Variants in NRDC observed in about 807,000 individuals in gnomAD.
The protein encoded by NRDC is nardilysin.
In NRDC, 54 loss-of-function variants were observed where a neutral mutation model predicts 147.1. The observed-to-expected ratio is 0.37, with a 90% CI of 0.29 to 0.46. NRDC has a LOEUF of 0.46. Ranked by LOEUF, NRDC falls within the 20% of genes least tolerant of loss-of-function variation. The probability of loss-of-function intolerance (pLI) is 1.00; values close to 1 mark genes in which losing one functional copy is unlikely to be tolerated. For synonymous variants in NRDC, 440 were observed against 482.1 expected (o/e 0.91, Z 1.14); for missense variants, 1,082 against 1,370.6 (o/e 0.79, Z 3.33).
intron 1 of NRDC, among the ~76,000 whole-genome samples, chr1:51,846,711 C>A (rs939503924): frequency 6.6e-6 from 1 of 152,222 alleles, no homozygotes. Context: ...GATTTATCGC[C>A]AACAGCGATG....
At chr1:51,869,960 C>A (rs1198527938) in intron 1 of NRDC, among the ~76,000 whole-genome samples, 4 of 152,142 alleles carry the variant, frequency 2.6e-5, no homozygotes, top group African/African-American at 9.7e-5. Context: ...GTTGCCCAGG[C>A]TGGTCTTGAA....
Position 51,825,395 on chromosome 1 carries a change from A to C in NRDC, c.941-13T>G. 1 of 1,570,978 alleles carries C rather than the reference A, an allele frequency of 6.4e-7. No homozygotes were observed. Among genetic ancestry groups the C allele is most frequent in the Non-Finnish European group, 8.6e-7 (1 of 1,159,192 alleles). ...GCAAGTTGATATTCTGTCAATTTTAAATAAACACATAATAAAACAAAATTC... is the reference window on the plus strand; with the variant it reads ...GCAAGTTGATATTCTGTCAATTTTACATAAACACATAATAAAACAAAATTC... On this transcript the variant is annotated splice_polypyrimidine_tract_variant and intron_variant, in intron 5 of 30. Coordinates refer to ENST00000352171, the MANE Select transcript of NRDC (RefSeq NM_001101662.2).
chr1:51,799,902 T>C (rs1165104122), intron 21 of NRDC, among the ~76,000 whole-genome samples: 2 of 152,206 alleles, frequency 1.3e-5, no homozygotes, highest in Non-Finnish European at 2.9e-5. Context: ...ATAAGTGACA[T>C]GTTTAGCAAT....
At chr1:51,873,228 T>C (rs923285403) in intron 1 of NRDC, among the ~76,000 whole-genome samples, 6 of 152,196 alleles carry the variant, frequency 3.9e-5, no homozygotes, top group Admixed American at 3.9e-4. Context: ...CTCAGATTTG[T>C]ATAAGGCTTC....
chr1:51,861,074 C>T (rs997919284), intron 1 of NRDC, among the ~76,000 whole-genome samples: 17 of 151,572 alleles, frequency 1.1e-4, no homozygotes, highest in African/African-American at 3.4e-4. Context: ...CTCAGCCTCC[C>T]GAGTAGCTGG....
At chr1:51,805,758 C>G (rs183098115) in intron 18 of NRDC, among the ~76,000 whole-genome samples, 197 bp from the exon 19 acceptor site, 2 of 152,072 alleles carry the variant, frequency 1.3e-5, no homozygotes, top group Admixed American at 6.6e-5. Flanking sequence ...AAAAGGCACT[C>G]TTTAATCTAT....
rs1171522219 is a variant in NRDC, at chr1:51,816,409, G to T, written c.1362-20C>A. On this transcript the variant is annotated intron_variant, in intron 10 of 30. Coordinates refer to ENST00000352171, the MANE Select transcript of NRDC (RefSeq NM_001101662.2). ...TTCACCCTTTTAAAAAAATTTAATG[G>T]TCAGAAGAAAAAAACAAAAGGTATA... is the stretch of plus-strand genomic sequence containing the variant. 15 of 1,495,254 alleles carry T rather than the reference G, an allele frequency of 1.0e-5. No individual in the cohort carries two copies. Among genetic ancestry groups the T allele is most frequent in the Non-Finnish European group, 1.4e-5 (15 of 1,106,488 alleles). 92.6% of individuals were successfully genotyped at this position (1,495,254 alleles called of 1,614,324 possible).
chr1:51,852,691 C>T (rs1016880607), intron 1 of NRDC, among the ~76,000 whole-genome samples: 3 of 151,634 alleles, frequency 2.0e-5, no homozygotes, highest in African/African-American at 7.3e-5. Flanking sequence ...GTGTGCTGCC[C>T]TGGAGTCTTA....
chr1:51,834,937 A>G (rs1680878897), intron 3 of NRDC, among the ~76,000 whole-genome samples: 1 of 152,208 alleles, frequency 6.6e-6, no homozygotes, highest in Non-Finnish European at 1.5e-5. Context: ...AAATTCACAA[A>G]GTAAGAAGTA....
intron 21 of NRDC, among the ~76,000 whole-genome samples, chr1:51,800,058 T>TC (rs774518508): frequency 3.9e-5 from 6 of 152,228 alleles, no homozygotes; most frequent in Non-Finnish European, 8.8e-5. Context: ...CACTGCAGCC[T>TC]CAACCTCCTG....
chr1:51,811,592 A>AT (rs1250014127), intron 15 of NRDC, among the ~76,000 whole-genome samples: 1 of 152,148 alleles, frequency 6.6e-6, no homozygotes, highest in Non-Finnish European at 1.5e-5. Context: ...GGAACCTTAC[A>AT]TTTTTTTAAT....
At chr1:51,847,780 G>A (rs1041686657) in intron 1 of NRDC, among the ~76,000 whole-genome samples, 2 of 152,198 alleles carry the variant, frequency 1.3e-5, no homozygotes, top group African/African-American at 2.4e-5. Context: ...TGAGGGAGCC[G>A]GCTCCAGCCT....
intron 1 of NRDC, among the ~76,000 whole-genome samples, chr1:51,845,673 C>T (rs764723745): frequency 3.3e-5 from 5 of 152,172 alleles, no homozygotes; most frequent in Non-Finnish European, 7.4e-5. Context: ...ATAGCTCTTT[C>T]GCCCATTTCT....
At position 51,844,499 on chromosome 1, in the gene NRDC, G is replaced by A. The variant is rs184167823; in HGVS notation, c.342-3985C>T. Among the ~76,000 whole-genome samples the A allele has an allele frequency of 1.5e-4, 23 of 151,902 alleles. 1 individual carries two copies. The East Asian group carries it at 4.5e-3, about 30-fold the overall frequency. ...AGCCAGAAAGGCCTCAGAAGAAACC[G>A]AATAGGGCCGAAGAGGACGGATCAT... On this transcript the variant is annotated intron_variant, in intron 1 of 30. Coordinates refer to ENST00000352171, the MANE Select transcript of NRDC (RefSeq NM_001101662.2).
intron 1 of NRDC, among the ~76,000 whole-genome samples, chr1:51,874,832 C>T (rs934624342): frequency 4.6e-5 from 7 of 152,050 alleles, no homozygotes; most frequent in African/African-American, 7.2e-5. Flanking sequence ...TTCAAAAAAG[C>T]GGAATACAAA....
intron 1 of NRDC, chr1:51,878,017 C>G: frequency 1.5e-6 from 2 of 1,338,442 alleles, no homozygotes; most frequent in Non-Finnish European, 1.9e-6. Flanking sequence ...AACCTTCATT[C>G]TTGCTTTAGC....
At chr1:51,837,362 T>TC in intron 2 of NRDC, 5 of 882,478 alleles carry the variant, frequency 5.7e-6, no homozygotes, top group Non-Finnish European at 7.9e-6. Context: ...CCAAACAGCC[T>TC]CACTTGATAC....
intron 3 of NRDC, among the ~76,000 whole-genome samples, chr1:51,835,705 G>C (rs776475830): frequency 3.9e-5 from 6 of 152,064 alleles, no homozygotes; most frequent in Non-Finnish European, 8.8e-5. Flanking sequence ...GACTTCAAGT[G>C]ATCCACCCAC....
intron 20 of NRDC, among the ~76,000 whole-genome samples, chr1:51,801,889 A>G (rs1031517810): frequency 2.0e-5 from 3 of 151,662 alleles, no homozygotes; most frequent in Non-Finnish European, 4.4e-5. Flanking sequence ...CCAGGGTCAC[A>G]CCATTCTCCT....
Sources: allele counts gnomAD v4.1 joint callset (sites outside exome capture counted in the v4.1 genomes callset), GRCh38; gene constraint gnomAD v4.1.1; transcripts MANE v1.5; gene names NCBI Gene and HGNC (gene_info 2026-07-23, HGNC 2026-07-21).